Variants in ADCY2 observed in about 807,000 individuals in gnomAD.
ADCY2 encodes adenylate cyclase type 2.
Under a neutral mutation model 125.2 loss-of-function variants are expected in ADCY2, and 31 were observed. The ratio of observed to expected loss-of-function variants is 0.25; its 90% CI spans 0.19 to 0.33. The LOEUF is 0.33. Ranked by LOEUF, ADCY2 falls within the 10% of genes least tolerant of loss-of-function variation. The probability of loss-of-function intolerance (pLI) is 1.00; values close to 1 mark genes in which losing one functional copy is unlikely to be tolerated. For synonymous variants in ADCY2, 512 were observed against 548.4 expected (o/e 0.93, Z 0.93); for missense variants, 904 against 1,418.2 (o/e 0.64, Z 5.82).
intron 17 of ADCY2, among the ~76,000 whole-genome samples, chr5:7,768,543 C>G (rs766355466): frequency 1.4e-4 from 21 of 152,052 alleles, no homozygotes; most frequent in Non-Finnish European, 2.9e-4. Flanking sequence ...AAATGTATAG[C>G]TGCAATATTT....
intron 12 of ADCY2, among the ~76,000 whole-genome samples, chr5:7,720,023 A>G (rs919615954): frequency 1.3e-5 from 2 of 151,690 alleles, no homozygotes; most frequent in Non-Finnish European, 2.9e-5. Context: ...AAAAGAAAAA[A>G]AAAGACCTTA....
At chr5:7,679,303 G>T (rs1235923888) in intron 4 of ADCY2, among the ~76,000 whole-genome samples, 1 of 152,224 alleles carries the variant, frequency 6.6e-6, no homozygotes, top group Non-Finnish European at 1.5e-5. Context: ...GTCTGAGGCT[G>T]CAGGGTCAAA....
At chr5:7,824,308 G>A (rs16879186) in intron 24 of ADCY2, among the ~76,000 whole-genome samples, 1,704 of 152,254 alleles carry the variant, frequency 0.011, 31 homozygotes, top group East Asian at 0.062. Context: ...CATAGTAACC[G>A]GTGTGCATCG....
Position 7,802,032 on chromosome 5 carries a change from AT to A in ADCY2, c.2629-184del. 5.0e-6 allele frequency: 3 copies of A among 600,986 alleles called. No individual in the cohort carries two copies. The allele number at this position is 600,986 out of a possible 1,614,324, so 37.2% of individuals were successfully genotyped here. On this transcript the variant is annotated intron_variant, in intron 20 of 24. Transcript: ENST00000338316. This position sits in a 1 kb window ranked among gnomAD's most constrained non-coding sequence, Gnocchi z 4.6. ...ACTGGTAGTGGCCTGAATCCAGCTC[AT>A]TAGAAGCTTTCCCCTGAGAGCAGCG...
chr5:7,666,813 G>T (rs535803928), intron 4 of ADCY2, among the ~76,000 whole-genome samples: 22 of 152,326 alleles, frequency 1.4e-4, no homozygotes, highest in African/African-American at 4.8e-4. Flanking sequence ...CTGTGGGTCA[G>T]GGTCATGGAT....
intron 4 of ADCY2, among the ~76,000 whole-genome samples, chr5:7,682,253 T>G (rs1259606920): frequency 1.3e-5 from 2 of 152,174 alleles, no homozygotes; most frequent in African/African-American, 4.8e-5. Flanking sequence ...GTAGAGCAGT[T>G]CTAAAATCGC....
intron 4 of ADCY2, among the ~76,000 whole-genome samples, chr5:7,655,743 A>C (rs561371601): frequency 6.6e-6 from 1 of 152,358 alleles, no homozygotes; most frequent in Non-Finnish European, 1.5e-5. Context: ...CACGTGGCCC[A>C]ATTAACAGAA....
chr5:7,771,900 T>G (rs1410700093), intron 17 of ADCY2, among the ~76,000 whole-genome samples: 1 of 152,220 alleles, frequency 6.6e-6, no homozygotes, highest in Non-Finnish European at 1.5e-5. Flanking sequence ...TTAATTTTTT[T>G]GAGTGTTGTC....
intron 16 of ADCY2, among the ~76,000 whole-genome samples, chr5:7,759,513 G>A (rs1421771571): frequency 3.3e-5 from 5 of 152,204 alleles, no homozygotes; most frequent in Non-Finnish European, 7.3e-5. Flanking sequence ...GTCCACCGCT[G>A]GAAGCCCTCC....
At chr5:7,797,746 G>T (rs1400623982) in intron 20 of ADCY2, 4 of 152,326 alleles carry the variant, frequency 2.6e-5, no homozygotes, top group Non-Finnish European at 5.9e-5. Context: ...TTGGCCAGAA[G>T]ACTAGAGGTT....
At chr5:7,557,384 T>G (rs543513359) in intron 3 of ADCY2, among the ~76,000 whole-genome samples, 64 of 152,172 alleles carry the variant, frequency 4.2e-4, no homozygotes, top group African/African-American at 1.4e-3. Flanking sequence ...TTTTTAGCTT[T>G]TATTTTAAGT....
At chr5:7,516,731 T>C (rs1332099875) in intron 2 of ADCY2, among the ~76,000 whole-genome samples, 1 of 152,104 alleles carries the variant, frequency 6.6e-6, no homozygotes, top group Non-Finnish European at 1.5e-5. Flanking sequence ...GAGAAAGGCA[T>C]GGAATGGACA....
intron 2 of ADCY2, among the ~76,000 whole-genome samples, chr5:7,518,696 G>A (rs545764388): frequency 3.9e-5 from 6 of 152,234 alleles, no homozygotes; most frequent in East Asian, 3.9e-4. Flanking sequence ...TGAGGATTCC[G>A]GGTCATTTTT....
chr5:7,460,993 T>C (rs1329254849), intron 2 of ADCY2, among the ~76,000 whole-genome samples: 2 of 152,208 alleles, frequency 1.3e-5, no homozygotes, highest in Non-Finnish European at 2.9e-5. Flanking sequence ...CTCACATCAC[T>C]CAAGTCCAGA....
intron 20 of ADCY2, chr5:7,801,295 C>G (rs1004394915): frequency 6.6e-6 from 1 of 152,278 alleles, no homozygotes; most frequent in Non-Finnish European, 1.5e-5. Flanking sequence ...CTGCCAGACA[C>G]ACAGGAAGCA....
intron 18 of ADCY2, among the ~76,000 whole-genome samples, chr5:7,783,985 C>T (rs757389541): frequency 1.1e-4 from 17 of 152,150 alleles, no homozygotes; most frequent in Non-Finnish European, 1.8e-4. Context: ...TTATACCTCA[C>T]GTGATTACTC....
At position 7,826,911 on chromosome 5, in the gene ADCY2, G is replaced by A; in HGVS notation, c.*40G>A. ...TTTGGCAAGAAGACTGTATTTTCAG[G>A]AAGGTATCACACACTTTCTGACTGC... On this transcript the variant is annotated 3_prime_UTR_variant, in exon 25 of 25. Transcript: ENST00000338316. 1 of 1,571,640 alleles carries A rather than the reference G, an allele frequency of 6.4e-7. No homozygotes were observed. The highest frequency in any genetic ancestry group is 8.6e-7 in the Non-Finnish European group (1 of 1,161,422).
At position 7,698,517 on chromosome 5, in the gene ADCY2, T is replaced by C. The variant is rs974786506; in HGVS notation, c.1109+143T>C. 20 of 843,374 alleles carry C rather than the reference T, an allele frequency of 2.4e-5. 1 individual carries two copies. In the South Asian group the frequency reaches 3.0e-4, roughly 12 times the overall value. 52.2% of individuals were successfully genotyped at this position (843,374 alleles called of 1,614,324 possible). On this transcript the variant is annotated intron_variant, in intron 7 of 24. Coordinates refer to ENST00000338316, the MANE Select transcript of ADCY2 (RefSeq NM_020546.3). ...CAACTCATCATTTACATTAGGTATT[T>C]CTACTAATGCTATCCCTCCCCTCAC...
chr5:7,749,828 TC>T (rs1271318025), intron 15 of ADCY2: 1 of 152,208 alleles, frequency 6.6e-6, no homozygotes, highest in Non-Finnish European at 1.5e-5. Flanking sequence ...AGAGGTCGCC[TC>T]GGGAAAGGGA....
Sources: gnomAD v4.1 joint callset for allele counts (sites outside exome capture counted in the v4.1 genomes callset) on GRCh38, gnomAD v4.1.1 for gene constraint, Gnocchi (gnomAD v3.1) non-coding constraint, MANE v1.5 for transcripts, NCBI Gene and HGNC (gene_info 2026-07-23, HGNC 2026-07-21) for gene names.